Variants in CASK observed in about 807,000 individuals in gnomAD.
CASK encodes peripheral plasma membrane protein CASK.
A neutral mutation model predicts 82.9 loss-of-function variants in CASK; 4 were observed. The ratio of observed to expected loss-of-function variants is 0.05; its 90% CI spans 0.02 to 0.11. CASK has a LOEUF of 0.11. Among genes scored for constraint, CASK ranks in the 10% least tolerant of loss-of-function variants. The pLI, the probability that CASK is intolerant of heterozygous loss-of-function variation, is 1.00. For missense variants in CASK, 358 were observed against 720.9 expected, an observed-to-expected ratio of 0.50 and a Z score of 5.76; for synonymous variants, 259 against 253.5, an observed-to-expected ratio of 1.02 and a Z score of -0.20.
Position 41,835,423 on chromosome X carries a change from C to T in CASK, c.172+17692G>A, listed in dbSNP as rs1490664964. Reference sequence around the variant, plus strand: ...TCAGAATAAAAAATGAGTAGAGAAACTCATCTCACATTTTTTTCATATTGC... The same window carrying T: ...TCAGAATAAAAAATGAGTAGAGAAATTCATCTCACATTTTTTTCATATTGC... On this transcript the variant is annotated intron_variant, in intron 2 of 26. Transcript: ENST00000378163. Among the ~76,000 whole-genome samples, 7 of 111,768 alleles carry T rather than the reference C, an allele frequency of 6.3e-5. No individual in the cohort carries two copies. The East Asian group carries it at 2.0e-3, about 31-fold the overall frequency.
At chrX:41,816,873 A>G in intron 2 of CASK, among the ~76,000 whole-genome samples, 1 of 111,674 alleles carries the variant, frequency 9.0e-6, no homozygotes. Context: ...TCCTTCAAAG[A>G]AAACTTCAGG....
intron 3 of CASK, among the ~76,000 whole-genome samples, chrX:41,770,222 A>C (rs936037903): frequency 1.3e-4 from 14 of 108,732 alleles, no homozygotes; most frequent in Non-Finnish European, 5.7e-5. Flanking sequence ...TTGCAAGAGA[A>C]TAAAAGCCAA....
At chrX:41,728,336 C>T in intron 5 of CASK, 1 of 180,672 alleles carries the variant, frequency 5.5e-6, no homozygotes, top group Non-Finnish European at 1.1e-5. Flanking sequence ...GTTCAGAACA[C>T]GTTATTTCAT....
At chrX:41,772,775 G>A (rs1014894855) in intron 3 of CASK, among the ~76,000 whole-genome samples, 3 of 111,047 alleles carry the variant, frequency 2.7e-5, no homozygotes, top group Non-Finnish European at 5.7e-5. Flanking sequence ...CGAGGCGGGC[G>A]GATCACCTGA....
chrX:41,769,271 T>C (rs752849493), intron 3 of CASK, among the ~76,000 whole-genome samples: 13 of 105,593 alleles, frequency 1.2e-4, no homozygotes, highest in African/African-American at 4.5e-4. Context: ...TCTTGGCTCA[T>C]TGTAGCCTCC....
chrX:41,668,146 C>T (rs1167101050), intron 6 of CASK, among the ~76,000 whole-genome samples: 1 of 111,586 alleles, frequency 9.0e-6, no homozygotes, highest in Non-Finnish European at 1.9e-5. Flanking sequence ...GTCCCCCTTA[C>T]TCTTACAAAT....
intron 8 of CASK, among the ~76,000 whole-genome samples, chrX:41,645,709 T>G (rs2066746349): frequency 9.0e-6 from 1 of 111,408 alleles, no homozygotes; most frequent in African/African-American, 3.3e-5. Context: ...AATCTCACCA[T>G]TTCTATTAGC....
rs1456584662 is a variant in CASK at position 41,519,393 on chromosome X, CAATT to C, written c.*1023_*1026del. On this transcript the variant is annotated 3_prime_UTR_variant, in exon 27 of 27. Coordinates refer to ENST00000378163, the MANE Select transcript of CASK (RefSeq NM_001367721.1). The stretch of plus-strand genomic sequence containing the variant: ...TTCTCTTAAAATGGGTGCTTTAAAA[CAATT>C]ACATACAGATTAAAAATCATTTCTT... The C allele has an allele frequency of 9.0e-6, 1 of 111,435 alleles. No individual in the cohort carries two copies. The highest frequency in any genetic ancestry group is 1.9e-5 in the Non-Finnish European group (1 of 53,071). The allele number at this position is 111,435 out of a possible 1,213,427, so 9.2% of individuals were successfully genotyped here. A position where few individuals can be genotyped will look rare whatever the true frequency, so the allele number is the denominator to read the frequency against.
chrX:41,717,535 C>A (rs1310560077), intron 5 of CASK, among the ~76,000 whole-genome samples: 1 of 111,684 alleles, frequency 9.0e-6, no homozygotes, highest in African/African-American at 3.3e-5. Flanking sequence ...ATGAAAGAAA[C>A]CCAGTATTAT....
At chrX:41,646,701 T>C (rs540225410) in intron 8 of CASK, among the ~76,000 whole-genome samples, 2 of 112,011 alleles carry the variant, frequency 1.8e-5, no homozygotes, top group African/African-American at 3.2e-5. Context: ...CCAACCTGAC[T>C]ATTCCCATAC....
intron 1 of CASK, among the ~76,000 whole-genome samples, chrX:41,853,931 C>G (rs1036297887): frequency 1.8e-5 from 2 of 111,694 alleles, no homozygotes; most frequent in African/African-American, 3.3e-5. Flanking sequence ...AAAAAACACA[C>G]TCCAATAAAA....
chrX:41,814,647 G>C (rs977348097), intron 2 of CASK, among the ~76,000 whole-genome samples: 1 of 107,601 alleles, frequency 9.3e-6, no homozygotes, highest in South Asian at 4.2e-4. Flanking sequence ...TGTAAATGAC[G>C]AGTTAATGGG....
chrX:41,907,371 A>G (rs2072486784), intron 1 of CASK, among the ~76,000 whole-genome samples: 1 of 112,087 alleles, frequency 8.9e-6, no homozygotes, highest in Non-Finnish European at 1.9e-5. Flanking sequence ...AAAGGCTACT[A>G]TACTTCCCTC....
At chrX:41,544,349 T>A (rs1185651870) in intron 21 of CASK, among the ~76,000 whole-genome samples, 1 of 111,175 alleles carries the variant, frequency 9.0e-6, no homozygotes, top group African/African-American at 3.3e-5. Flanking sequence ...GGTGGATGAC[T>A]TGAGCTCAGG....
intron 1 of CASK, among the ~76,000 whole-genome samples, chrX:41,901,919 G>A (rs1340988455): frequency 3.6e-5 from 4 of 111,751 alleles, no homozygotes; most frequent in Admixed American, 1.9e-4. Context: ...ATTCAAGGAC[G>A]CAGGCTTGGT....
At chrX:41,818,652 T>C (rs189556630) in intron 2 of CASK, among the ~76,000 whole-genome samples, 1 of 110,854 alleles carries the variant, frequency 9.0e-6, no homozygotes, top group Non-Finnish European at 1.9e-5. Flanking sequence ...ATCAAGATAG[T>C]GTGGTATTAC....
Position 41,898,872 on chromosome X carries a change from T to C in CASK, c.59+24058A>G, listed in dbSNP as rs147943330. Among the ~76,000 whole-genome samples, 346 of 112,100 alleles carry C rather than the reference T, an allele frequency of 3.1e-3. 1 individual carries two copies. Among genetic ancestry groups the C allele is most frequent in the African/African-American group, 0.01 (323 of 30,967 alleles). On this transcript the variant is annotated intron_variant, in intron 1 of 26. Transcript: ENST00000378163. ...ATCATCTATCCTAGAGACTGGTCCA[T>C]GCACACTTGAAAAGAACATCGTATT... is the stretch of plus-strand genomic sequence containing the variant.
chrX:41,902,564 TGCAAAGATCCTTTTACCATGTAAA>T (rs2072402516), intron 1 of CASK, among the ~76,000 whole-genome samples: 2 of 112,362 alleles, frequency 1.8e-5, no homozygotes, highest in Admixed American at 9.4e-5. Flanking sequence ...TAATAAGATC[TGCAAAGATCCTTTTACCATGTAAA>T]GTAACATACT....
chrX:41,869,449 T>G (rs1474008527), intron 1 of CASK, among the ~76,000 whole-genome samples: 1 of 110,939 alleles, frequency 9.0e-6, no homozygotes, highest in Non-Finnish European at 1.9e-5. Flanking sequence ...AGGCAGATGC[T>G]CTCAAGAAAA....
Sources: allele counts gnomAD v4.1 joint callset (sites outside exome capture counted in the v4.1 genomes callset), GRCh38; gene constraint gnomAD v4.1.1; transcripts MANE v1.5; gene names NCBI Gene and HGNC (gene_info 2026-07-23, HGNC 2026-07-21).